The following MAPKAPK3 variants were observed in gnomAD, a reference collection of about 807,000 sequenced individuals.
The protein encoded by MAPKAPK3 is MAP kinase-activated protein kinase 3.
MAPKAPK3 carries 35 observed loss-of-function variants against 49.2 expected under a neutral mutation model. The observed-to-expected ratio is 0.71, with a 90% CI of 0.54 to 0.94. MAPKAPK3 has a LOEUF of 0.94. Among genes scored for constraint, MAPKAPK3 ranks in the 40% least tolerant of loss-of-function variants. MAPKAPK3 has a pLI of 0.00. For synonymous variants in MAPKAPK3, 178 were observed against 188.7 expected, an observed-to-expected ratio of 0.94 and a Z score of 0.46; for missense variants, 398 against 493.1, an observed-to-expected ratio of 0.81 and a Z score of 1.83.
chr3:50,626,991 G>A (rs911267216), intron 2 of MAPKAPK3, among the ~76,000 whole-genome samples: 2 of 152,070 alleles, frequency 1.3e-5, no homozygotes, highest in Non-Finnish European at 2.9e-5. Context: ...TCAGGAGTTC[G>A]AGATCAGCGT....
At position 50,645,796 on chromosome 3, in the gene MAPKAPK3, TC is replaced by T; in HGVS notation, c.704+15del. 1 of 1,613,234 alleles carries T rather than the reference TC, an allele frequency of 6.2e-7. No individual in the cohort carries two copies. The highest frequency in any genetic ancestry group is 8.5e-7 in the Non-Finnish European group (1 of 1,179,324). Reference sequence around the variant, plus strand: ...CATCATGTACATCCTGTGAGTACCTTCCCCACCCCCTGCCTCCATCTCCTGC... The same window carrying T: ...CATCATGTACATCCTGTGAGTACCTTCCCACCCCCTGCCTCCATCTCCTGC... On this transcript the variant is annotated intron_variant, in intron 7 of 10. Transcript: ENST00000621469.
chr3:50,643,659 A>G (rs2033225685), intron 5 of MAPKAPK3, among the ~76,000 whole-genome samples: 1 of 152,060 alleles, frequency 6.6e-6, no homozygotes, highest in African/African-American at 2.4e-5. Flanking sequence ...CCTTGAATAG[A>G]CTAAAACTGC....
Position 50,617,591 on chromosome 3 carries a change from A to AG in MAPKAPK3, c.32dup (p.Val13CysfsTer65), listed in dbSNP as rs1559481860. ...ATGGATGGTGAAACAGCAGAGGAGC[A>AG]GGGGGGCCCTGTGCCCCCGCCAGTT... On this transcript the variant is annotated frameshift_variant, in exon 2 of 11. Coordinates refer to ENST00000621469, the MANE Select transcript of MAPKAPK3 (RefSeq NM_001243925.2). LOFTEE classifies it high-confidence loss of function. 16 of 1,585,306 alleles carry AG rather than the reference A, an allele frequency of 1.0e-5. No homozygotes were observed. In the South Asian group the frequency reaches 1.4e-4, roughly 14 times the overall value.
chr3:50,617,717 G>A lies in MAPKAPK3; in HGVS notation c.152G>A (p.Gly51Asp), dbSNP rs1485734849. 5 of 1,613,596 alleles carry A rather than the reference G, an allele frequency of 3.1e-6. No individual in the cohort carries two copies. Among genetic ancestry groups the A allele is most frequent in the Admixed American group, 3.3e-5 (2 of 60,010 alleles). ...DDYQLSKQVL[G>D]LGVNGKVLEC... ...TACCAGTTGTCCAAGCAGGTGCTGG[G>A]CCTGGGTGTGAACGGCAAAGTGCTG... is the stretch of plus-strand genomic sequence containing the variant. The change falls in exon 2 of 11, where the codon GGC becomes GAC. Residue 51 changes from glycine (G) to aspartate (D), a missense_variant. Physicochemically the swap from Gly to Asp is moderately conservative, Grantham distance 94. Around this residue, in one of 5 missense-constraint regions of MAPKAPK3, gnomAD observed 123 missense variants for 117.7 expected, o/e 1.04. Coordinates refer to ENST00000621469, the MANE Select transcript of MAPKAPK3 (RefSeq NM_001243925.2).
At chr3:50,642,825 T>C (rs1233721510) in intron 5 of MAPKAPK3, among the ~76,000 whole-genome samples, 1 of 152,200 alleles carries the variant, frequency 6.6e-6, no homozygotes, top group Non-Finnish European at 1.5e-5. Flanking sequence ...GGCTGCCTGA[T>C]GCTGTTGGTT....
chr3:50,641,510 A>C (rs1435844183), intron 3 of MAPKAPK3, among the ~76,000 whole-genome samples, 197 bp from the exon 4 acceptor site: 2 of 152,170 alleles, frequency 1.3e-5, no homozygotes, highest in African/African-American at 2.4e-5. Context: ...TAGTTCCAAG[A>C]GTTCAGTTCA....
rs899505453 is a variant in MAPKAPK3 at position 50,617,255 on chromosome 3, G to A, written c.-53+14G>A. On this transcript the variant is annotated intron_variant, in intron 1 of 10. Transcript: ENST00000621469. ...CGTTGCCGCCAGGTACGCCCTCGCT[G>A]GGCCCCCTCTGCGGCCTCCTCCGGG... 5.1e-5 allele frequency: 14 copies of A among 276,600 alleles called. No individual in the cohort carries two copies. Among genetic ancestry groups the A allele is most frequent in the Non-Finnish European group, 7.5e-5 (11 of 147,268 alleles). The allele number at this position is 276,600 out of a possible 1,614,324, so 17.1% of individuals were successfully genotyped here.
intron 2 of MAPKAPK3, among the ~76,000 whole-genome samples, chr3:50,623,698 A>T (rs2032666161): frequency 6.6e-6 from 1 of 152,212 alleles, no homozygotes; most frequent in South Asian, 2.1e-4. Flanking sequence ...AGCTTGCCCA[A>T]AGTGCTCAAC....
At chr3:50,636,596 T>G (rs2107591734) in intron 2 of MAPKAPK3, among the ~76,000 whole-genome samples, 1 of 152,316 alleles carries the variant, frequency 6.6e-6, no homozygotes, top group South Asian at 2.1e-4. Context: ...ATTGGACCCT[T>G]GAGACCTGGG....
chr3:50,633,840 T>C (rs2032971725), intron 2 of MAPKAPK3, among the ~76,000 whole-genome samples: 1 of 152,156 alleles, frequency 6.6e-6, no homozygotes, highest in Non-Finnish European at 1.5e-5. Context: ...AACAGGCAAA[T>C]GGTGCTGTTG....
At chr3:50,637,265 C>G (rs1220530094) in intron 2 of MAPKAPK3, among the ~76,000 whole-genome samples, 1 of 152,200 alleles carries the variant, frequency 6.6e-6, no homozygotes, top group Non-Finnish European at 1.5e-5. Context: ...AGGCCCCAGC[C>G]AGGGACCCCC....
At chr3:50,623,487 C>T (rs2032660878) in intron 2 of MAPKAPK3, among the ~76,000 whole-genome samples, 1 of 152,170 alleles carries the variant, frequency 6.6e-6, no homozygotes, top group Non-Finnish European at 1.5e-5. Context: ...GGATCTTTTC[C>T]CATCCCATCT....
intron 2 of MAPKAPK3, among the ~76,000 whole-genome samples, chr3:50,636,934 G>A (rs368084590): frequency 2.6e-5 from 4 of 152,092 alleles, no homozygotes; most frequent in Non-Finnish European, 5.9e-5. Context: ...TATATTTTCC[G>A]GGGACGGCCC....
chr3:50,648,312 C>T lies in MAPKAPK3; in HGVS notation c.*266C>T, dbSNP rs2033353979. On this transcript the variant is annotated 3_prime_UTR_variant, in exon 11 of 11. Coordinates refer to ENST00000621469, the MANE Select transcript of MAPKAPK3 (RefSeq NM_001243925.2). ...ATAGCAGCACCTTTAGCTAGGTTGG[C>T]CCGAGTGAGGCCTCTGTGCTGTCCT... is the stretch of plus-strand genomic sequence containing the variant. The T allele has an allele frequency of 2.4e-6, 1 of 413,322 alleles. No homozygotes were observed. The highest frequency in any genetic ancestry group is 4.4e-6 in the Non-Finnish European group (1 of 228,938). 25.6% of individuals were successfully genotyped at this position (413,322 alleles called of 1,614,324 possible).
At position 50,631,369 on chromosome 3, in the gene MAPKAPK3, G is replaced by A. The variant is rs552990501; in HGVS notation, c.220-8997G>A. On this transcript the variant is annotated intron_variant, in intron 2 of 10. Coordinates refer to ENST00000621469, the MANE Select transcript of MAPKAPK3 (RefSeq NM_001243925.2). ...CAGGAGCGGGGTTCTGGCATTATAAGGAAGATGCTGAAGCTTTAAGAAGGA... is the reference window on the plus strand; with the variant it reads ...CAGGAGCGGGGTTCTGGCATTATAAAGAAGATGCTGAAGCTTTAAGAAGGA... Among the ~76,000 whole-genome samples, 3 of 152,350 alleles carry A rather than the reference G, an allele frequency of 2.0e-5. No individual in the cohort carries two copies. In the South Asian group the frequency reaches 6.2e-4, roughly 32 times the overall value.
At chr3:50,641,839 G>A (rs2033183381) in intron 4 of MAPKAPK3, 68 bp downstream of exon 4, 9 of 1,343,876 alleles carry the variant, frequency 6.7e-6, no homozygotes, top group Admixed American at 3.4e-5. Flanking sequence ...CGTTGTGTGT[G>A]ATGCTAGGCA....
upstream of MAPKAPK3, among the ~76,000 whole-genome samples, chr3:50,615,364 A>G (rs946430701): frequency 2.6e-5 from 4 of 152,170 alleles, no homozygotes; most frequent in Admixed American, 1.3e-4. Context: ...TGTTATATGC[A>G]TGTGTGTTTA....
chr3:50,647,148 C>T lies in MAPKAPK3; in HGVS notation c.941C>T (p.Pro314Leu). 3.1e-6 allele frequency: 5 copies of T among 1,593,842 alleles called. No homozygotes were observed. Among genetic ancestry groups the T allele is most frequent in the Non-Finnish European group, 4.3e-6 (5 of 1,170,068 alleles). Residue 314 changes from proline (P) to leucine (L), a missense_variant, in exon 10 of 11, where the codon CCA becomes CTA. Coordinates refer to ENST00000621469, the MANE Select transcript of MAPKAPK3 (RefSeq NM_001243925.2). ...CAATCGATGGTAGTGCCACAGACCC[C>T]ACTCCACACGGCCCGAGTGCTGCAG... ...INQSMVVPQT[P>L]LHTARVLQED...
In MAPKAPK3 at chr3:50,648,902, CA is replaced by C. The variant is rs1483505884; in HGVS notation, c.*857del. The stretch of plus-strand genomic sequence containing the variant: ...CAGGAAAGCCCCTCTCTGTTGAAGT[CA>C]GGGGCTATCTTTTGGTATACTTGTG... On this transcript the variant is annotated 3_prime_UTR_variant, in exon 11 of 11. Coordinates refer to ENST00000621469, the MANE Select transcript of MAPKAPK3 (RefSeq NM_001243925.2). 41 of 152,376 alleles carry C rather than the reference CA, an allele frequency of 2.7e-4. No homozygotes were observed. Among genetic ancestry groups the C allele is most frequent in the African/African-American group, 8.9e-4 (37 of 41,594 alleles). 9.4% of individuals were successfully genotyped at this position (152,376 alleles called of 1,614,324 possible).
Sources: allele counts gnomAD v4.1 joint callset (sites outside exome capture counted in the v4.1 genomes callset), GRCh38; gene constraint gnomAD v4.1.1; regional missense constraint gnomAD v4.1.1; transcripts MANE v1.5; gene names NCBI Gene and HGNC (gene_info 2026-07-23, HGNC 2026-07-21).